Variants in SLC24A2 observed in about 807,000 individuals in gnomAD.
SLC24A2 encodes solute carrier family 24 member 2.
Under a neutral mutation model 62.0 loss-of-function variants are expected in SLC24A2, and 36 were observed. That is an observed-to-expected ratio of 0.58 (90% confidence interval 0.44 to 0.77). The LOEUF is 0.77. Among genes scored for constraint, SLC24A2 ranks in the 30% least tolerant of loss-of-function variants. The probability of loss-of-function intolerance (pLI) is 0.00; values close to 1 mark genes in which losing one functional copy is unlikely to be tolerated. For synonymous variants in SLC24A2, 358 were observed against 294.0 expected, an observed-to-expected ratio of 1.22 and a Z score of -2.23; for missense variants, 846 against 817.9, an observed-to-expected ratio of 1.03 and a Z score of -0.42.
At chr9:20,014,135 G>A in the SLC24A2 span, among the ~76,000 whole-genome samples, 1 of 152,144 alleles carries the variant, frequency 6.6e-6, no homozygotes, top group African/African-American at 2.4e-5. Flanking sequence ...TAGATTCTGG[G>A]AGGTCAAGGC....
intron 8 of SLC24A2, among the ~76,000 whole-genome samples, chr9:19,548,407 CT>C (rs1200516504): frequency 6.6e-6 from 1 of 152,108 alleles, no homozygotes; most frequent in Non-Finnish European, 1.5e-5. Flanking sequence ...TTCTTTGTGC[CT>C]AAGTTTCTTT....
At chr9:20,187,262 C>T in the SLC24A2 span, among the ~76,000 whole-genome samples, 1 of 152,130 alleles carries the variant, frequency 6.6e-6, no homozygotes, top group Non-Finnish European at 1.5e-5. Context: ...TACATAAGAC[C>T]TACTTTTTAA....
At chr9:19,978,353 T>C in the SLC24A2 span, among the ~76,000 whole-genome samples, 1 of 152,214 alleles carries the variant, frequency 6.6e-6, no homozygotes, top group South Asian at 2.1e-4. Flanking sequence ...TATGAACTAT[T>C]GTTCAAAAAT....
At chr9:19,947,412 G>GAGGA in the SLC24A2 span, among the ~76,000 whole-genome samples, 2 of 150,526 alleles carry the variant, frequency 1.3e-5, no homozygotes, top group African/African-American at 4.9e-5. Flanking sequence ...AGGAAGGAAG[G>GAGGA]AGGAAGGAAG....
intron 8 of SLC24A2, among the ~76,000 whole-genome samples, chr9:19,544,338 GT>G (rs896674313): frequency 1.1e-4 from 16 of 150,702 alleles, no homozygotes; most frequent in Admixed American, 2.0e-4. Flanking sequence ...TGCATGTGAG[GT>G]GGGTCTCCTG....
chr9:19,988,450 G>A, the SLC24A2 span, among the ~76,000 whole-genome samples: 1 of 152,256 alleles, frequency 6.6e-6, no homozygotes, highest in East Asian at 1.9e-4. Flanking sequence ...CAGAGGATGG[G>A]CCACAACTCA....
At chr9:20,301,571 G>T in the SLC24A2 span, among the ~76,000 whole-genome samples, 4,276 of 149,278 alleles carry the variant, frequency 0.029, 79 homozygotes, top group Non-Finnish European at 0.044. Flanking sequence ...GACTTTAAAA[G>T]AAATTAAAGC....
At chr9:19,741,559 C>T (rs1821679329) in intron 2 of SLC24A2, among the ~76,000 whole-genome samples, 1 of 152,162 alleles carries the variant, frequency 6.6e-6, no homozygotes, top group Middle Eastern at 3.2e-3. Flanking sequence ...TTTGACCCTC[C>T]AGGCCTAGGA....
the SLC24A2 span, among the ~76,000 whole-genome samples, chr9:20,219,323 C>A: frequency 1.3e-5 from 2 of 152,154 alleles, no homozygotes; most frequent in Non-Finnish European, 2.9e-5. Flanking sequence ...CACTGGAAGT[C>A]TGCAGCACAG....
the SLC24A2 span, among the ~76,000 whole-genome samples, chr9:19,962,172 T>C: frequency 0.014 from 2,159 of 152,324 alleles, 49 homozygotes; most frequent in African/African-American, 0.049. Flanking sequence ...AGTGTGACTG[T>C]CTTCAAATCC....
upstream of SLC24A2, chr9:19,789,048 G>A (rs961772205): frequency 8.6e-6 from 6 of 700,144 alleles, no homozygotes; most frequent in East Asian, 5.3e-4. Context: ...GAGCCGCTGT[G>A]AGCCCGGCGC....
the SLC24A2 span, among the ~76,000 whole-genome samples, chr9:19,895,135 A>G: frequency 6.6e-6 from 1 of 152,236 alleles, no homozygotes; most frequent in Non-Finnish European, 1.5e-5. Flanking sequence ...GCACGGTTTG[A>G]ATATAAACAA....
chr9:19,746,362 T>A (rs1220960306), intron 2 of SLC24A2, among the ~76,000 whole-genome samples: 1 of 152,164 alleles, frequency 6.6e-6, no homozygotes, highest in East Asian at 1.9e-4. Context: ...ATTATAGCCA[T>A]GACATACAGG....
chr9:19,683,656 G>A (rs915941781), intron 2 of SLC24A2, among the ~76,000 whole-genome samples: 1 of 151,926 alleles, frequency 6.6e-6, no homozygotes, highest in Non-Finnish European at 1.5e-5. Flanking sequence ...TTAAATGGAG[G>A]CTTTCAACCA....
chr9:20,234,345 C>A, the SLC24A2 span, among the ~76,000 whole-genome samples: 1 of 152,206 alleles, frequency 6.6e-6, no homozygotes, highest in African/African-American at 2.4e-5. Flanking sequence ...TCCATTCTCC[C>A]CGTCACTTTC....
At chr9:19,655,991 G>T (rs953037350) in intron 2 of SLC24A2, among the ~76,000 whole-genome samples, 5 of 152,076 alleles carry the variant, frequency 3.3e-5, no homozygotes, top group African/African-American at 1.2e-4. Flanking sequence ...TGTTCTAACT[G>T]CCCCTGCAGA....
At chr9:19,696,494 G>C (rs1488096598) in intron 2 of SLC24A2, among the ~76,000 whole-genome samples, 2 of 152,138 alleles carry the variant, frequency 1.3e-5, no homozygotes, top group Non-Finnish European at 2.9e-5. Flanking sequence ...CCCTGAGTCT[G>C]GGAGGTTGGC....
the SLC24A2 span, among the ~76,000 whole-genome samples, chr9:20,136,797 G>A: frequency 6.6e-6 from 1 of 152,194 alleles, no homozygotes; most frequent in South Asian, 2.1e-4. Flanking sequence ...TCTTACTTTG[G>A]CAGAAGATGG....
the SLC24A2 span, among the ~76,000 whole-genome samples, chr9:20,253,148 G>T: frequency 4.6e-5 from 7 of 152,154 alleles, no homozygotes; most frequent in African/African-American, 1.4e-4. Flanking sequence ...TAGGAGCCTG[G>T]TCTCTTAACT....
Sources: gnomAD v4.1 joint callset for allele counts (sites outside exome capture counted in the v4.1 genomes callset) on GRCh38, gnomAD v4.1.1 for gene constraint, MANE v1.5 for transcripts, NCBI Gene and HGNC (gene_info 2026-07-23, HGNC 2026-07-21) for gene names.